CSMD1: variants seen among roughly 807,000 people sequenced by gnomAD.
CSMD1 encodes the protein CUB and Sushi multiple domains 1, also known as CUB and sushi domain-containing protein 1.
A neutral mutation model predicts 417.5 loss-of-function variants in CSMD1; 213 were observed. The observed-to-expected ratio is 0.51, with a 90% confidence interval of 0.46 to 0.57. The LOEUF (loss-of-function observed/expected upper bound fraction) is 0.57, where lower values mean the gene tolerates loss of function less well. Among genes scored for constraint, CSMD1 ranks in the 20% least tolerant of loss-of-function variants. The pLI, the probability that CSMD1 is intolerant of heterozygous loss-of-function variation, is 0.00. For missense variants in CSMD1, 6,923 were observed against 4,529.7 expected (o/e 1.53, Z -15.17); for synonymous variants, 2,862 against 1,736.8 (o/e 1.65, Z -16.11).
chr8:4,772,696 G>A (rs985783124), intron 1 of CSMD1, among the ~76,000 whole-genome samples: 6 of 152,150 alleles, frequency 3.9e-5, no homozygotes, highest in Admixed American at 6.5e-5. Flanking sequence ...GTGAAAGGAT[G>A]TGCATTGAGT....
chr8:4,044,804 G>C (rs1284580845), intron 3 of CSMD1, among the ~76,000 whole-genome samples: 1 of 78,748 alleles, frequency 1.3e-5, no homozygotes, highest in Non-Finnish European at 3.1e-5. Context: ...GTACCACCCT[G>C]GATGTGAACC....
At position 4,237,743 on chromosome 8, in the gene CSMD1, G is replaced by T. The variant is rs182585255; in HGVS notation, c.415+182210C>A. Among the ~76,000 whole-genome samples, 213 of 152,168 alleles carry T rather than the reference G, an allele frequency of 1.4e-3. 1 individual carries two copies. Among genetic ancestry groups the T allele is most frequent in the African/African-American group, 5.1e-3 (210 of 41,532 alleles). ...GACCAGGCTAGTCTCAAATTCTTGG[G>T]CTCAAGTGATCCTTCTTCCTCAGCA... On this transcript the variant is annotated intron_variant, in intron 3 of 69. Transcript: ENST00000635120.
intron 3 of CSMD1, among the ~76,000 whole-genome samples, chr8:4,032,982 T>G (rs1222822525): frequency 6.6e-6 from 1 of 151,880 alleles, no homozygotes; most frequent in Non-Finnish European, 1.5e-5. Context: ...ACACTGACAA[T>G]CTGTTTGCGG....
At chr8:3,174,584 A>T (rs1260545614) in intron 37 of CSMD1, among the ~76,000 whole-genome samples, 3 of 152,236 alleles carry the variant, frequency 2.0e-5, no homozygotes, top group East Asian at 1.9e-4. Flanking sequence ...ATATTCTCAC[A>T]AACCTTTTAG....
At chr8:4,777,441 T>C (rs1310798750) in intron 1 of CSMD1, among the ~76,000 whole-genome samples, 6 of 152,150 alleles carry the variant, frequency 3.9e-5, no homozygotes, top group African/African-American at 9.7e-5. Flanking sequence ...TAGGTCACAA[T>C]TGTTAGGGAC....
chr8:4,795,030 G>A (rs747099594), intron 1 of CSMD1, among the ~76,000 whole-genome samples: 1 of 151,582 alleles, frequency 6.6e-6, no homozygotes, highest in South Asian at 2.1e-4. Flanking sequence ...AAAGATGTGG[G>A]GGGTGGGTGG....
At chr8:4,625,367 C>T (rs1003302148) in intron 2 of CSMD1, among the ~76,000 whole-genome samples, 14 of 152,058 alleles carry the variant, frequency 9.2e-5, no homozygotes, top group African/African-American at 3.1e-4. Flanking sequence ...GTAAATGATC[C>T]TTTCAACTTC....
At chr8:4,452,996 C>T (rs5000538) in intron 2 of CSMD1, among the ~76,000 whole-genome samples, 17,447 of 152,034 alleles carry the variant, frequency 0.11, 1,159 homozygotes, top group South Asian at 0.22. Context: ...AGACTGTTTC[C>T]CACAGTCCTC....
intron 1 of CSMD1, among the ~76,000 whole-genome samples, chr8:4,878,853 T>A (rs1803212988): frequency 2.8e-5 from 4 of 143,530 alleles, no homozygotes; most frequent in Non-Finnish European, 6.1e-5. Flanking sequence ...CACCGAGACT[T>A]GCAGGATAAG....
intron 2 of CSMD1, among the ~76,000 whole-genome samples, chr8:4,516,697 C>A (rs1803147219): frequency 6.6e-6 from 1 of 152,158 alleles, no homozygotes; most frequent in Non-Finnish European, 1.5e-5. Flanking sequence ...ATTCCTCCAA[C>A]CCCTACACAC....
chr8:3,669,976 T>A (rs982956118), intron 7 of CSMD1, among the ~76,000 whole-genome samples: 1 of 152,202 alleles, frequency 6.6e-6, no homozygotes, highest in African/African-American at 2.4e-5. Context: ...CTTATTATTT[T>A]AAGCTATCAG....
At chr8:4,514,162 C>T (rs1408910827) in intron 2 of CSMD1, among the ~76,000 whole-genome samples, 1 of 152,088 alleles carries the variant, frequency 6.6e-6, no homozygotes, top group Non-Finnish European at 1.5e-5. Context: ...GAGCTCTCTT[C>T]CTGGCTTGCA....
At chr8:4,694,680 A>G (rs1039592297) in intron 1 of CSMD1, among the ~76,000 whole-genome samples, 7 of 152,062 alleles carry the variant, frequency 4.6e-5, no homozygotes, top group African/African-American at 7.2e-5. Context: ...CTTCCTAGAT[A>G]CATTGATTGA....
chr8:3,780,744 T>C (rs1261893031), intron 5 of CSMD1, among the ~76,000 whole-genome samples: 1 of 152,170 alleles, frequency 6.6e-6, no homozygotes, highest in East Asian at 1.9e-4. Context: ...AAAGCCCATT[T>C]AATCTCTTGG....
chr8:4,436,097 C>G (rs776020691), intron 2 of CSMD1, among the ~76,000 whole-genome samples: 1 of 152,068 alleles, frequency 6.6e-6, no homozygotes, highest in Non-Finnish European at 1.5e-5. Context: ...ACCAACATGT[C>G]CAACTGAGCT....
chr8:4,272,174 C>G (rs981622054), intron 3 of CSMD1, among the ~76,000 whole-genome samples: 3 of 152,086 alleles, frequency 2.0e-5, no homozygotes, highest in Admixed American at 6.6e-5. Flanking sequence ...GCTGGTACAG[C>G]TAGTTTTCCT....
At chr8:3,753,497 C>T (rs890384734) in intron 6 of CSMD1, among the ~76,000 whole-genome samples, 2 of 152,164 alleles carry the variant, frequency 1.3e-5, no homozygotes, top group South Asian at 2.1e-4. Context: ...ATTACTGAAT[C>T]ATGCATTTAT....
At chr8:3,736,809 G>A (rs560604538) in intron 6 of CSMD1, among the ~76,000 whole-genome samples, 1 of 152,302 alleles carries the variant, frequency 6.6e-6, no homozygotes, top group South Asian at 2.1e-4. Flanking sequence ...GGCATAAATA[G>A]GCCCTGTTTT....
chr8:4,134,892 G>C (rs1438780064), intron 3 of CSMD1, among the ~76,000 whole-genome samples: 1 of 152,144 alleles, frequency 6.6e-6, no homozygotes, highest in Admixed American at 6.5e-5. Context: ...AAATTGCTCG[G>C]AAGGCTTTCA....
Sources: gnomAD v4.1 joint callset for allele counts (sites outside exome capture counted in the v4.1 genomes callset) on GRCh38, gnomAD v4.1.1 for gene constraint, MANE v1.5 for transcripts, NCBI Gene and HGNC (gene_info 2026-07-23, HGNC 2026-07-21) for gene names.